Variants in TPCN1 observed in about 807,000 individuals in gnomAD.
The protein encoded by TPCN1 is two pore channel protein 1.
Under a neutral mutation model 108.8 loss-of-function variants are expected in TPCN1, and 52 were observed. The ratio of observed to expected loss-of-function variants is 0.48; its 90% CI spans 0.38 to 0.60. The LOEUF (loss-of-function observed/expected upper bound fraction) is 0.60. Ranked by LOEUF, TPCN1 falls within the 20% of genes least tolerant of loss-of-function variation. The pLI, the probability that TPCN1 is intolerant of heterozygous loss-of-function variation, is 0.00. For synonymous variants in TPCN1, 446 were observed against 433.7 expected, an observed-to-expected ratio of 1.03 and a Z score of -0.35; for missense variants, 806 against 1,072.8, an observed-to-expected ratio of 0.75 and a Z score of 3.47.
intron 1 of TPCN1, among the ~76,000 whole-genome samples, chr12:113,223,275 C>T (rs991637670): frequency 6.6e-6 from 1 of 152,172 alleles, no homozygotes; most frequent in African/African-American, 2.4e-5. Context: ...CAAGGATTTG[C>T]TTGGAGTTGT....
chr12:113,291,835 C>A, intron 24 of TPCN1, 39 bp from the exon 25 acceptor site: 1 of 1,491,340 alleles, frequency 6.7e-7, no homozygotes, highest in Non-Finnish European at 9.4e-7. Flanking sequence ...ACCCACCCTC[C>A]TCCCCTGCCT....
At chr12:113,292,269 G>C (rs1956292879) in intron 25 of TPCN1, 1 of 369,066 alleles carries the variant, frequency 2.7e-6, no homozygotes, top group South Asian at 3.4e-5. Flanking sequence ...TCCTCCAGAG[G>C]CTTCTCCTTC....
intron 12 of TPCN1, 25 bp from the exon 13 acceptor site, chr12:113,278,164 T>G: frequency 6.2e-7 from 1 of 1,608,432 alleles, no homozygotes; most frequent in Non-Finnish European, 8.5e-7. Context: ...TGATATTTTG[T>G]CCCTTTTTAT....
At chr12:113,241,832 T>C (rs894311049) in intron 2 of TPCN1, among the ~76,000 whole-genome samples, 22 of 150,592 alleles carry the variant, frequency 1.5e-4, no homozygotes, top group Admixed American at 8.0e-4. Flanking sequence ...CATAGGGCCT[T>C]TACAAATGTT....
intron 19 of TPCN1, chr12:113,287,402 A>G: frequency 2.8e-6 from 1 of 352,764 alleles, no homozygotes; most frequent in Non-Finnish European, 5.2e-6. Context: ...CACAGATCAC[A>G]GAGCCACAGG....
rs1029243814 is a variant in TPCN1, at chr12:113,293,244, C to G, written c.2254-25C>G. The G allele has an allele frequency of 3.1e-6, 5 of 1,612,030 alleles. No individual in the cohort carries two copies. The African/African-American group carries it at 6.7e-5, about 22-fold the overall frequency. ...TGGGACCTGAATATCTGCAGCCGAG[C>G]CCTGCAGCCTCTGCTCTTCCTTAGC... On this transcript the variant is annotated intron_variant, in intron 26 of 27. Coordinates refer to ENST00000335509, the MANE Select transcript of TPCN1 (RefSeq NM_017901.6).
At position 113,284,447 on chromosome 12, in the gene TPCN1, ATGGGT is replaced by A; in HGVS notation, c.1343-133_1343-129del. 1.1e-6 allele frequency: 1 copy of A among 920,100 alleles called. No homozygotes were observed. The highest frequency in any genetic ancestry group is 1.7e-6 in the Non-Finnish European group (1 of 578,490). The allele number at this position is 920,100 out of a possible 1,614,324, so 57.0% of individuals were successfully genotyped here. On this transcript the variant is annotated intron_variant, in intron 15 of 27. Transcript: ENST00000335509. The surrounding 1 kb of genome is among the most constrained non-coding windows in gnomAD (Gnocchi z 4.1). ...TGAGCAGAAAGAAGTTCCCTATCAA[ATGGGT>A]GTGTGGAGCAGCCCTGTTCTCCCCA...
chr12:113,258,669 T>G (rs899013254), intron 2 of TPCN1, among the ~76,000 whole-genome samples: 4 of 152,172 alleles, frequency 2.6e-5, no homozygotes, highest in African/African-American at 9.6e-5. Flanking sequence ...TAGTCCTAGC[T>G]GCTCAGGAGG....
rs201921353 is a variant in TPCN1, at chr12:113,284,699, C to T, written c.1400-19C>T. The T allele has an allele frequency of 1.0e-4, 169 of 1,614,246 alleles. 1 individual carries two copies. The East Asian group carries it at 3.5e-3, about 34-fold the overall frequency. On this transcript the variant is annotated intron_variant, in intron 16 of 27. Transcript: ENST00000335509. The surrounding 1 kb of genome is among the most constrained non-coding windows in gnomAD (Gnocchi z 4.1). ...GCACACCTGGCTTACCTGTGAGCTG[C>T]TACTTCTCTGTCTTACAGGTGGGAA...
Position 113,273,564 on chromosome 12 carries a change from TAC to T in TPCN1, c.843-3_843-2del. On this transcript the variant is annotated splice_polypyrimidine_tract_variant and splice_region_variant and intron_variant, in intron 9 of 27. Coordinates refer to ENST00000335509, the MANE Select transcript of TPCN1 (RefSeq NM_017901.6). The surrounding 1 kb of genome is among the most constrained non-coding windows in gnomAD (Gnocchi z 4.0). ...AGCACGCCGGGTCACCCTCTGCAAA[TAC>T]AGTTTCCCAGATGTGATGATGCCCT... 1.2e-6 allele frequency: 2 copies of T among 1,612,458 alleles called. No individual in the cohort carries two copies. The highest frequency in any genetic ancestry group is 1.7e-6 in the Non-Finnish European group (2 of 1,178,486).
intron 12 of TPCN1, 120 bp downstream of exon 12, chr12:113,277,484 C>T: frequency 1.6e-6 from 2 of 1,226,082 alleles, no homozygotes; most frequent in Non-Finnish European, 2.3e-6. Flanking sequence ...GAGACTTCCT[C>T]CACAGATGTT....
intron 2 of TPCN1, among the ~76,000 whole-genome samples, chr12:113,245,158 A>G (rs1249966537): frequency 6.6e-6 from 1 of 152,114 alleles, no homozygotes; most frequent in Non-Finnish European, 1.5e-5. Flanking sequence ...AGTCCCAGCT[A>G]CTTGGGAGGC....
intron 18 of TPCN1, 59 bp downstream of exon 18, chr12:113,286,020 C>T: frequency 7.1e-7 from 1 of 1,411,990 alleles, no homozygotes; most frequent in Non-Finnish European, 1.0e-6. Flanking sequence ...GCCCCAGACC[C>T]TTCTCTGCAC....
chr12:113,285,806 AC>A (rs1956055025), intron 17 of TPCN1, 82 bp from the exon 18 acceptor site: 1 of 1,191,458 alleles, frequency 8.4e-7, no homozygotes, highest in Non-Finnish European at 1.3e-6. Flanking sequence ...GAGGCTGCAG[AC>A]TGTGGAGGAG....
chr12:113,244,344 G>A, intron 2 of TPCN1: 1 of 985,512 alleles, frequency 1.0e-6, no homozygotes, highest in Non-Finnish European at 1.2e-6. Flanking sequence ...CTCTGTGCCA[G>A]TTCTTGCCTT....
At position 113,288,189 on chromosome 12, in the gene TPCN1, G is replaced by A. The variant is rs768830087; in HGVS notation, c.1661G>A (p.Arg554His). ...LRLFKLKERY[R>H]NVLDTMFELL... ...TTGTTTAAGTTGAAGGAGCGCTACC[G>A]CAACGTGCTGGACACCATGTTCGAG... The change falls in exon 20 of 28, where the codon CGC (arginine) becomes CAC (histidine). Residue 554 changes from arginine (R) to histidine (H), a missense_variant. Transcript: ENST00000335509. The surrounding 1 kb of genome is among the most constrained non-coding windows in gnomAD (Gnocchi z 4.8). 1.8e-5 allele frequency: 29 copies of A among 1,613,768 alleles called. No homozygotes were observed. Among genetic ancestry groups the A allele is most frequent in the Middle Eastern group, 3.3e-4 (2 of 6,072 alleles).
chr12:113,266,470 CAGAG>C lies in TPCN1; in HGVS notation c.414+118_414+121del. On this transcript the variant is annotated intron_variant, in intron 4 of 27. Transcript: ENST00000335509. The surrounding 1 kb of genome is among the most constrained non-coding windows in gnomAD (Gnocchi z 4.2). ...GCAAACACTGCAAACGGACTTAAAA[CAGAG>C]AGATACGAGGTGGTCATAGAGGCCT... The C allele has an allele frequency of 7.2e-7, 1 of 1,389,410 alleles. No homozygotes were observed. Among genetic ancestry groups the C allele is most frequent in the East Asian group, 2.3e-5 (1 of 43,700 alleles). The allele number at this position is 1,389,410 out of a possible 1,614,324, so 86.1% of individuals were successfully genotyped here.
In TPCN1 at chr12:113,273,589, C is replaced by G; in HGVS notation, c.863C>G (p.Pro288Arg). 6.2e-7 allele frequency: 1 copy of G among 1,614,106 alleles called. No individual in the cohort carries two copies. Among genetic ancestry groups the G allele is most frequent in the Non-Finnish European group, 8.5e-7 (1 of 1,179,990 alleles). Reference sequence around the variant, plus strand: ...TACAGTTTCCCAGATGTGATGATGCCCTCCTACTCCCGGAACCCCTGGTCC... The same window carrying G: ...TACAGTTTCCCAGATGTGATGATGCGCTCCTACTCCCGGAACCCCTGGTCC... Reference protein sequence around the residue: ...TTANFPDVMMPSYSRNPWSCV... With the variant: ...TTANFPDVMMRSYSRNPWSCV... The change falls in exon 10 of 28, where the codon CCC (proline) becomes CGC (arginine). Residue 288 changes from proline to arginine, a missense_variant. Coordinates refer to ENST00000335509, the MANE Select transcript of TPCN1 (RefSeq NM_017901.6). The surrounding 1 kb of genome is among the most constrained non-coding windows in gnomAD (Gnocchi z 4.0).
chr12:113,268,894 G>C lies in TPCN1; in HGVS notation c.659+22G>C, dbSNP rs745785501. ...GGCGGTAAGGCCCGGGTGGGGAGCTGGGCAGTCACTATCCTGGCATGGCCT... is the reference window on the plus strand; with the variant it reads ...GGCGGTAAGGCCCGGGTGGGGAGCTCGGCAGTCACTATCCTGGCATGGCCT... On this transcript the variant is annotated intron_variant, in intron 6 of 27. Coordinates refer to ENST00000335509, the MANE Select transcript of TPCN1 (RefSeq NM_017901.6). The surrounding 1 kb of genome is among the most constrained non-coding windows in gnomAD (Gnocchi z 7.3). 6.2e-7 allele frequency: 1 copy of C among 1,613,110 alleles called. No homozygotes were observed. The highest frequency in any genetic ancestry group is 1.1e-5 in the South Asian group (1 of 90,990).
Sources: allele counts gnomAD v4.1 joint callset (sites outside exome capture counted in the v4.1 genomes callset), GRCh38; gene constraint gnomAD v4.1.1; non-coding constraint Gnocchi (gnomAD v3.1); transcripts MANE v1.5; gene names NCBI Gene and HGNC (gene_info 2026-07-23, HGNC 2026-07-21).